The following ANGPTL5 variants were observed in gnomAD, a reference collection of about 807,000 sequenced individuals.
ANGPTL5 encodes the protein angiopoietin like 5.
In ANGPTL5, 34 loss-of-function variants were observed where a neutral mutation model predicts 39.4. The ratio of observed to expected loss-of-function variants is 0.86; its 90% CI spans 0.66 to 1.15. The LOEUF (loss-of-function observed/expected upper bound fraction) is 1.15. Ranked by LOEUF, ANGPTL5 falls within the 50% of genes most tolerant of loss-of-function variation. The probability of loss-of-function intolerance (pLI) is 0.00; values close to 1 mark genes in which losing one functional copy is unlikely to be tolerated. For missense variants in ANGPTL5, 467 were observed against 457.5 expected (o/e 1.02, Z -0.19); for synonymous variants, 146 against 152.1 (o/e 0.96, Z 0.29).
intron 1 of ANGPTL5, among the ~76,000 whole-genome samples, chr11:101,913,727 A>G (rs1420575958): frequency 6.6e-6 from 1 of 152,174 alleles, no homozygotes; most frequent in South Asian, 2.1e-4. Context: ...ACCATGCCTA[A>G]ATATTCCAAA....
At chr11:101,900,226 A>G (rs1022536006) in intron 7 of ANGPTL5, among the ~76,000 whole-genome samples, 3 of 151,962 alleles carry the variant, frequency 2.0e-5, no homozygotes, top group Admixed American at 6.6e-5. Flanking sequence ...ATTTCACCAG[A>G]TATCTACAAA....
chr11:101,905,479 T>C (rs1291422757), intron 4 of ANGPTL5, among the ~76,000 whole-genome samples: 2 of 152,182 alleles, frequency 1.3e-5, no homozygotes, highest in African/African-American at 4.8e-5. Flanking sequence ...GGGAAGCTTT[T>C]TGTATCTGAG....
chr11:101,908,760 G>A (rs967699394), intron 1 of ANGPTL5, among the ~76,000 whole-genome samples: 104 of 127,170 alleles, frequency 8.2e-4, no homozygotes, highest in Non-Finnish European at 3.9e-4. Context: ...CAGCCTGGGC[G>A]AAAGAGTGAG....
At position 101,905,852 on chromosome 11, in the gene ANGPTL5, AC is replaced by A; in HGVS notation, c.242-6del. ...CAATAGAATTTTGCAAATTTCCTTAACCATAATAAAAAGTGGCTGTTAAATA... is the reference window on the plus strand; with the variant it reads ...CAATAGAATTTTGCAAATTTCCTTAACATAATAAAAAGTGGCTGTTAAATA... On this transcript the variant is annotated splice_polypyrimidine_tract_variant and splice_region_variant and intron_variant, in intron 3 of 8. Transcript: ENST00000334289. 2 of 1,518,344 alleles carry A rather than the reference AC, an allele frequency of 1.3e-6. No homozygotes were observed. Among genetic ancestry groups the A allele is most frequent in the Non-Finnish European group, 1.8e-6 (2 of 1,095,698 alleles). 94.1% of individuals were successfully genotyped at this position (1,518,344 alleles called of 1,614,324 possible).
chr11:101,902,650 G>A lies in ANGPTL5; in HGVS notation c.511C>T (p.His171Tyr). 1.2e-6 allele frequency: 2 copies of A among 1,609,722 alleles called. No individual in the cohort carries two copies. Among genetic ancestry groups the A allele is most frequent in the South Asian group, 2.2e-5 (2 of 90,806 alleles). The change falls in exon 6 of 9, where the codon CAC becomes TAC. Residue 171 changes from histidine (H) to tyrosine (Y), a missense_variant. Physicochemically the swap from His to Tyr is moderately conservative, Grantham distance 83. Transcript: ENST00000334289. ...TKTPSGLYII[H>Y]PEGSSYPFEV... ...AATGGGTAGCTAGATCCTTCTGGGT[G>A]AATTATGTATAAACCACTCGGTGTT...
intron 6 of ANGPTL5, among the ~76,000 whole-genome samples, chr11:101,901,641 C>T (rs897630235): frequency 2.7e-4 from 41 of 152,210 alleles, no homozygotes; most frequent in African/African-American, 9.2e-4. Flanking sequence ...ATGCATCCCA[C>T]TCTTCATAAA....
chr11:101,897,328 T>C (rs1411639314), intron 7 of ANGPTL5, among the ~76,000 whole-genome samples: 2 of 152,246 alleles, frequency 1.3e-5, no homozygotes, highest in Admixed American at 6.5e-5. Context: ...TGATGATAGT[T>C]TCTTTTGCTG....
intron 5 of ANGPTL5, among the ~76,000 whole-genome samples, chr11:101,903,393 T>C (rs1265367691): frequency 6.6e-6 from 1 of 152,192 alleles, no homozygotes; most frequent in Non-Finnish European, 1.5e-5. Flanking sequence ...GAAGATACTC[T>C]ACTCTGTAGC....
chr11:101,896,853 T>A (rs1939806376), intron 7 of ANGPTL5, among the ~76,000 whole-genome samples: 1 of 152,216 alleles, frequency 6.6e-6, no homozygotes, highest in Non-Finnish European at 1.5e-5. Flanking sequence ...TGATTTATAA[T>A]CCTTTGGGTA....
At chr11:101,904,751 G>C in intron 5 of ANGPTL5, 63 bp downstream of exon 5, 2 of 1,423,436 alleles carry the variant, frequency 1.4e-6, no homozygotes, top group East Asian at 4.6e-5. Context: ...GGATCGACCT[G>C]TCCAGGAAAA....
chr11:101,911,587 CCT>C (rs1207459128), intron 1 of ANGPTL5, among the ~76,000 whole-genome samples: 1 of 152,046 alleles, frequency 6.6e-6, no homozygotes, highest in African/African-American at 2.4e-5. Flanking sequence ...TGGCACCTCC[CCT>C]CTCTCTTTCA....
intron 4 of ANGPTL5, 25 bp downstream of exon 4, chr11:101,905,719 C>A (rs1284155573): frequency 2.0e-6 from 3 of 1,494,112 alleles, no homozygotes; most frequent in South Asian, 2.3e-5. Flanking sequence ...CATGCAATAA[C>A]AACACAATAC....
At position 101,916,101 on chromosome 11, in the gene ANGPTL5, T is replaced by A. The variant is rs149724468; in HGVS notation, c.-175A>T. ...ATCAAAATCTGTAAATCAGGTTTAT[T>A]CCTTTAGAGACTGTTGTGATGATTA... On this transcript the variant is annotated 5_prime_UTR_variant, in exon 1 of 9. Coordinates refer to ENST00000334289, the MANE Select transcript of ANGPTL5 (RefSeq NM_178127.5). 6.6e-6 allele frequency: 1 copy of A among 152,380 alleles called. No individual in the cohort carries two copies. The highest frequency in any genetic ancestry group is 2.4e-5 in the African/African-American group (1 of 41,590). The allele number at this position is 152,380 out of a possible 1,614,324, so 9.4% of individuals were successfully genotyped here. A position where few individuals can be genotyped will look rare whatever the true frequency, so the allele number is the denominator to read the frequency against.
chr11:101,912,940 G>GC (rs1382912678), intron 1 of ANGPTL5, among the ~76,000 whole-genome samples: 6 of 152,190 alleles, frequency 3.9e-5, no homozygotes, highest in African/African-American at 1.4e-4. Flanking sequence ...GCCATGCCAG[G>GC]CAAGGGTTAA....
At chr11:101,895,119 T>G in intron 7 of ANGPTL5, 55 bp from the exon 8 acceptor site, 1 of 1,322,680 alleles carries the variant, frequency 7.6e-7, no homozygotes, top group Non-Finnish European at 1.0e-6. Context: ...GAATAATGGT[T>G]TATTATTGAA....
intron 7 of ANGPTL5, among the ~76,000 whole-genome samples, chr11:101,897,707 G>T (rs1433592012): frequency 1.3e-5 from 2 of 152,028 alleles, no homozygotes; most frequent in Non-Finnish European, 2.9e-5. Flanking sequence ...CTATTCCATT[G>T]GTCCATATAT....
chr11:101,911,325 T>C (rs1481522270), intron 1 of ANGPTL5, among the ~76,000 whole-genome samples: 1 of 151,834 alleles, frequency 6.6e-6, no homozygotes, highest in Non-Finnish European at 1.5e-5. Context: ...GGTTTCACCA[T>C]GTTGGCCAGG....
chr11:101,908,199 GTAAA>G (rs778340076), intron 1 of ANGPTL5, among the ~76,000 whole-genome samples, 198 bp from the exon 2 acceptor site: 1 of 152,042 alleles, frequency 6.6e-6, no homozygotes, highest in Non-Finnish European at 1.5e-5. Context: ...AGATAAATAA[GTAAA>G]TAAATAAATA....
At chr11:101,899,981 C>T (rs1939864952) in intron 7 of ANGPTL5, among the ~76,000 whole-genome samples, 1 of 152,180 alleles carries the variant, frequency 6.6e-6, no homozygotes, top group South Asian at 2.1e-4. Context: ...TGTTTACTGA[C>T]ATTTTAATAA....
Sources: allele counts gnomAD v4.1 joint callset (sites outside exome capture counted in the v4.1 genomes callset), GRCh38; gene constraint gnomAD v4.1.1; transcripts MANE v1.5; gene names NCBI Gene and HGNC (gene_info 2026-07-23, HGNC 2026-07-21).